Variants in TXNDC9 observed in about 807,000 individuals in gnomAD.
TXNDC9 encodes the protein thioredoxin domain containing 9, also known as thioredoxin domain-containing protein 9.
TXNDC9 carries 7 observed loss-of-function variants against 23.0 expected under a neutral mutation model. That is an observed-to-expected ratio of 0.30 (90% CI 0.17 to 0.57). TXNDC9 has a LOEUF of 0.57. Ranked by LOEUF, TXNDC9 falls within the 20% of genes least tolerant of loss-of-function variation. TXNDC9 has a pLI of 0.90. For missense variants in TXNDC9, 198 were observed against 252.6 expected, an observed-to-expected ratio of 0.78 and a Z score of 1.47; for synonymous variants, 72 against 90.6, an observed-to-expected ratio of 0.79 and a Z score of 1.17.
At chr2:99,315,439 AC>A (rs1282259067), downstream of TXNDC9, among the ~76,000 whole-genome samples, 8 of 152,128 alleles carry the variant, frequency 5.3e-5, no homozygotes, top group African/African-American at 1.9e-4. Context: ...CATTCCGGAT[AC>A]ATTTTATCAG....
At chr2:99,311,449 G>A in the TXNDC9 span, among the ~76,000 whole-genome samples, 489 of 151,800 alleles carry the variant, frequency 3.2e-3, 1 homozygote, top group African/African-American at 8.9e-3. Context: ...CACCATGCCC[G>A]GTTAATTTTT....
the TXNDC9 span, among the ~76,000 whole-genome samples, chr2:99,308,175 C>T: frequency 1.3e-5 from 2 of 151,982 alleles, no homozygotes; most frequent in East Asian, 3.9e-4. Context: ...ATGGGAAAAG[C>T]AGGCACAGAG....
rs1209219736 is a variant in TXNDC9, at chr2:99,336,091, T to G, written c.-33+148A>C. The G allele has an allele frequency of 5.7e-6, 4 of 706,638 alleles. No individual in the cohort carries two copies. The African/African-American group carries it at 7.7e-5, about 14-fold the overall frequency. 43.8% of individuals were successfully genotyped at this position (706,638 alleles called of 1,614,324 possible). On this transcript the variant is annotated intron_variant, in intron 1 of 4. Coordinates refer to ENST00000264255, the MANE Select transcript of TXNDC9 (RefSeq NM_005783.4). ...TCCCGGTGGCCCCAACTTCGACGCC[T>G]CCTGGTGCGCTTGCGCAAGAGCCTC...
At chr2:99,307,263 A>G in the TXNDC9 span, among the ~76,000 whole-genome samples, 80 of 149,358 alleles carry the variant, frequency 5.4e-4, no homozygotes, top group Admixed American at 7.5e-4. Flanking sequence ...GCAAGAAACA[A>G]ATTGGTTAAT....
At chr2:99,315,626 A>G (rs1210694655), downstream of TXNDC9, among the ~76,000 whole-genome samples, 1 of 152,184 alleles carries the variant, frequency 6.6e-6, no homozygotes, top group Admixed American at 6.5e-5. Flanking sequence ...TATTCCTCTT[A>G]GAGTTTTATA....
intron 3 of TXNDC9, among the ~76,000 whole-genome samples, chr2:99,323,157 G>T (rs1424384476): frequency 6.6e-6 from 1 of 152,030 alleles, no homozygotes; most frequent in Non-Finnish European, 1.5e-5. Context: ...CTGTAATCTT[G>T]GCACTTTGGG....
chr2:99,336,289 C>A lies in TXNDC9; in HGVS notation c.-83G>T. ...GTGAAAGAGCAGCAGTTTCAAAAGA[C>A]ACGTCCACTCCGGCTTTTGCCTTGC... On this transcript the variant is annotated 5_prime_UTR_variant, in exon 1 of 5. Coordinates refer to ENST00000264255, the MANE Select transcript of TXNDC9 (RefSeq NM_005783.4). The A allele has an allele frequency of 1.0e-6, 1 of 985,520 alleles. No homozygotes were observed. Among genetic ancestry groups the A allele is most frequent in the African/African-American group, 1.7e-5 (1 of 57,378 alleles). 61.0% of individuals were successfully genotyped at this position (985,520 alleles called of 1,614,324 possible).
the TXNDC9 span, among the ~76,000 whole-genome samples, chr2:99,309,473 C>A: frequency 6.6e-6 from 1 of 152,002 alleles, no homozygotes; most frequent in Non-Finnish European, 1.5e-5. Context: ...TGGGCCACTG[C>A]ACTCCAGCCT....
rs2094196942 is a variant in TXNDC9, at chr2:99,319,666, A to G, written c.*16T>C. ...AAGCAGAAAAAAAAAGACAATTTACAAAGAATTATTGAGCTCTAATCATCA... is the reference window on the plus strand; with the variant it reads ...AAGCAGAAAAAAAAAGACAATTTACGAAGAATTATTGAGCTCTAATCATCA... On this transcript the variant is annotated 3_prime_UTR_variant, in exon 5 of 5. Transcript: ENST00000264255. 12 of 1,527,110 alleles carry G rather than the reference A, an allele frequency of 7.9e-6. No homozygotes were observed. The highest frequency in any genetic ancestry group is 1.1e-5 in the Non-Finnish European group (12 of 1,125,156). The allele number at this position is 1,527,110 out of a possible 1,614,324, so 94.6% of individuals were successfully genotyped here.
chr2:99,324,279 G>T (rs560060912), intron 3 of TXNDC9, among the ~76,000 whole-genome samples: 1 of 152,252 alleles, frequency 6.6e-6, no homozygotes, highest in Admixed American at 6.5e-5. Flanking sequence ...ATACTTCATG[G>T]TTATTTTTAC....
the TXNDC9 span, among the ~76,000 whole-genome samples, chr2:99,311,093 A>G: frequency 3.0e-3 from 452 of 152,124 alleles, 4 homozygotes; most frequent in African/African-American, 0.01. Flanking sequence ...TGGCACAATC[A>G]TAGTTCACTG....
intron 3 of TXNDC9, 138 bp from the exon 4 acceptor site, chr2:99,322,347 C>T: frequency 7.7e-7 from 1 of 1,294,726 alleles, no homozygotes; most frequent in South Asian, 1.6e-5. Flanking sequence ...AAACTTGTGT[C>T]AGATGACCTC....
chr2:99,335,722 C>A (rs1016831393), intron 1 of TXNDC9, among the ~76,000 whole-genome samples: 1 of 151,990 alleles, frequency 6.6e-6, no homozygotes, highest in Non-Finnish European at 1.5e-5. Flanking sequence ...TAGAATGAGC[C>A]CAGAATTTAA....
chr2:99,327,670 CA>C lies in TXNDC9; in HGVS notation c.190-18del. The C allele has an allele frequency of 6.8e-7, 1 of 1,475,332 alleles. No homozygotes were observed. Among genetic ancestry groups the C allele is most frequent in the Non-Finnish European group, 9.5e-7 (1 of 1,055,836 alleles). The allele number at this position is 1,475,332 out of a possible 1,614,324, so 91.4% of individuals were successfully genotyped here. A position where few individuals can be genotyped will look rare whatever the true frequency, so the allele number is the denominator to read the frequency against. On this transcript the variant is annotated intron_variant, in intron 2 of 4. Transcript: ENST00000264255. ...AAGCCATTCCTAATTTGGAGAGAGG[CA>C]AAACATTACACATGTGAGATATCTC...
At position 99,330,290 on chromosome 2, in the gene TXNDC9, CAAAAAAAAAAAAAAAAA is replaced by C. The variant is rs528602849; in HGVS notation, c.190-2654_190-2638del. Among the ~76,000 whole-genome samples, 19 of 28,160 alleles carry C rather than the reference CAAAAAAAAAAAAAAAAA, an allele frequency of 6.7e-4. 1 individual carries two copies. The highest frequency in any genetic ancestry group is 2.9e-3 in the African/African-American group (19 of 6,586). 18.5% of individuals were successfully genotyped at this position (28,160 alleles called of 152,430 possible). A position where few individuals can be genotyped will look rare whatever the true frequency, so the allele number is the denominator to read the frequency against. On this transcript the variant is annotated intron_variant, in intron 2 of 4. Transcript: ENST00000264255. ...GGGCAACAGAGCAAGACTCTTATCT[CAAAAAAAAAAAAAAAAA>C]AAAAAAAAAAAAGCTGCTATTTCTT...
chr2:99,328,341 A>G (rs2094217683), intron 2 of TXNDC9, among the ~76,000 whole-genome samples: 3 of 151,360 alleles, frequency 2.0e-5, no homozygotes, highest in African/African-American at 7.3e-5. Flanking sequence ...GGTTCAAGCA[A>G]TCCTCCCACC....
chr2:99,312,310 A>C, the TXNDC9 span, among the ~76,000 whole-genome samples: 18 of 152,098 alleles, frequency 1.2e-4, no homozygotes, highest in South Asian at 1.0e-3. Flanking sequence ...AGCTTGGCAA[A>C]TATGGTGAAA....
At chr2:99,321,459 C>G (rs1408796869) in intron 4 of TXNDC9, 1 of 152,284 alleles carries the variant, frequency 6.6e-6, no homozygotes, top group Non-Finnish European at 1.5e-5. Context: ...GGCATAGAAA[C>G]CTTTTTCTAT....
intron 3 of TXNDC9, among the ~76,000 whole-genome samples, chr2:99,323,971 G>A (rs1435230290): frequency 2.6e-5 from 4 of 151,654 alleles, no homozygotes; most frequent in East Asian, 1.9e-4. Context: ...TCAGCCTCCC[G>A]AGTAGCTGGG....
Sources: gnomAD v4.1 joint callset for allele counts (sites outside exome capture counted in the v4.1 genomes callset) on GRCh38, gnomAD v4.1.1 for gene constraint, MANE v1.5 for transcripts, NCBI Gene and HGNC (gene_info 2026-07-23, HGNC 2026-07-21) for gene names.